The following NRM variants were observed in gnomAD, a reference collection of about 807,000 sequenced individuals.
The protein encoded by NRM is nuclear rim protein.
Under a neutral mutation model 23.4 loss-of-function variants are expected in NRM, and 19 were observed. That is an observed-to-expected ratio of 0.81 (90% CI 0.57 to 1.19). The LOEUF (loss-of-function observed/expected upper bound fraction) is 1.19, where lower values mean the gene tolerates loss of function less well. NRM is among the 50% of genes most tolerant of loss of function. The pLI, the probability that NRM is intolerant of heterozygous loss-of-function variation, is 0.00. For synonymous variants in NRM, 140 were observed against 143.5 expected (o/e 0.98, Z 0.17); for missense variants, 232 against 329.7 (o/e 0.70, Z 2.30).
upstream of NRM, chr6:30,691,010 C>A: frequency 1.3e-6 from 2 of 1,554,536 alleles, no homozygotes; most frequent in South Asian, 1.2e-5. Context: ...GGGGCGGGGT[C>A]GGGATTCCCG....
Position 30,689,291 on chromosome 6 carries a change from G to A in NRM, c.492C>T (p.Leu164=). The change falls in exon 3 of 4, where the codon CTC becomes CTT. Residue 164 remains leucine (L), a synonymous_variant. Transcript: ENST00000376421. The surrounding 1 kb of genome is among the most constrained non-coding windows in gnomAD (Gnocchi z 4.7). ...GGAGCCTCACCTGTTTGAGGCCCAT[G>A]AGCTCAGCATAGTCAAAGACGAGAA... The part of the protein sequence containing the change: ...SILLVFDYAE[L]MGLKQVYYHV... 3 of 1,554,148 alleles carry A rather than the reference G, an allele frequency of 1.9e-6. No individual in the cohort carries two copies. The highest frequency in any genetic ancestry group is 2.6e-6 in the Non-Finnish European group (3 of 1,148,222).
Position 30,689,190 on chromosome 6 carries a change from G to GAGC in NRM, c.507+83_507+85dup. 7.5e-7 allele frequency: 1 copy of GAGC among 1,327,824 alleles called. No individual in the cohort carries two copies. The highest frequency in any genetic ancestry group is 1.0e-6 in the Non-Finnish European group (1 of 972,726). The allele number at this position is 1,327,824 out of a possible 1,614,324, so 82.3% of individuals were successfully genotyped here. ...AGGGAGAAGCAGGGAGACAGTAGAA[G>GAGC]AGCATGGGAGGAGGGAAACCCTTGA... On this transcript the variant is annotated intron_variant, in intron 3 of 3. Transcript: ENST00000376421. The surrounding 1 kb of genome is among the most constrained non-coding windows in gnomAD (Gnocchi z 4.7).
Position 30,688,897 on chromosome 6 carries a change from A to T in NRM, c.553T>A (p.Ser185Thr). ...GAGAAGAGTCTGAGAGCCCGGGGAGACTTCAGGGCCAGAGGCTCGCCCAGC... is the reference window on the plus strand; with the variant it reads ...GAGAAGAGTCTGAGAGCCCGGGGAGTCTTCAGGGCCAGAGGCTCGCCCAGC... Reference protein sequence around the residue: ...LGLGEPLALKSPRALRLFSHL... With the variant: ...LGLGEPLALKTPRALRLFSHL... Residue 185 changes from serine to threonine, a missense_variant, in exon 4 of 4, where the codon TCT becomes ACT. Transcript: ENST00000376421. This position sits in a 1 kb window ranked among gnomAD's most constrained non-coding sequence, Gnocchi z 5.9. The T allele has an allele frequency of 6.2e-7, 1 of 1,613,522 alleles. No homozygotes were observed. The highest frequency in any genetic ancestry group is 2.2e-5 in the East Asian group (1 of 44,838).
At position 30,688,793 on chromosome 6, in the gene NRM, G is replaced by A. The variant is rs769211629; in HGVS notation, c.657C>T (p.Leu219=). 6 of 1,613,904 alleles carry A rather than the reference G, an allele frequency of 3.7e-6. No individual in the cohort carries two copies. In the South Asian group the frequency reaches 5.5e-5, roughly 15 times the overall value. The change falls in exon 4 of 4, where the codon CTC becomes CTT. Residue 219 remains leucine (L), a synonymous_variant. Coordinates refer to ENST00000376421, the MANE Select transcript of NRM (RefSeq NM_001384369.1). This position sits in a 1 kb window ranked among gnomAD's most constrained non-coding sequence, Gnocchi z 5.9. ...GGTAGAGGGTAAGGAGGAAAGCAAGGAGGAGACGGTCCGTGCCCAGGGTAG... is the reference window on the plus strand; with the variant it reads ...GGTAGAGGGTAAGGAGGAAAGCAAGAAGGAGACGGTCCGTGCCCAGGGTAG... The part of the protein sequence containing the change: ...VVPTLGTDRL[L]LAFLLTLYLG...
In NRM at chr6:30,690,862, A is replaced by G. The variant is rs771990739; in HGVS notation, c.113T>C (p.Ile38Thr). 1.2e-6 allele frequency: 2 copies of G among 1,612,968 alleles called. No homozygotes were observed. The highest frequency in any genetic ancestry group is 2.2e-5 in the South Asian group (2 of 91,076). Residue 38 changes from isoleucine (I) to threonine (T), a missense_variant, in exon 1 of 4, where the codon ATC (isoleucine) becomes ACC (threonine). By Grantham distance (89) the Ile-to-Thr change is moderately conservative (BLOSUM62 -1). Transcript: ENST00000376421. This position sits in a 1 kb window ranked among gnomAD's most constrained non-coding sequence, Gnocchi z 5.5. ...FTSLRPLLGG[I>T]PESGGPDARQ... ...CTCACCCGGACCACCAGACTCCGGG[A>G]TCCCTCCAAGAAGTGGCCGAAGGGA...
In NRM at chr6:30,688,587, G is replaced by T. The variant is rs1771194508; in HGVS notation, c.*74C>A. On this transcript the variant is annotated 3_prime_UTR_variant, in exon 4 of 4. Coordinates refer to ENST00000376421, the MANE Select transcript of NRM (RefSeq NM_001384369.1). This position sits in a 1 kb window ranked among gnomAD's most constrained non-coding sequence, Gnocchi z 5.9. ...GGATTTGGGCCTCTGGCATGAAGCA[G>T]CCAGGGCCTGGATGTTAAGGATTTA... 2.0e-6 allele frequency: 3 copies of T among 1,535,512 alleles called. No homozygotes were observed. The South Asian group carries it at 3.7e-5, about 19-fold the overall frequency.
Position 30,690,922 on chromosome 6 carries a change from G to T in NRM, c.53C>A (p.Ala18Asp). 6.2e-7 allele frequency: 1 copy of T among 1,605,136 alleles called. No individual in the cohort carries two copies. Among genetic ancestry groups the T allele is most frequent in the Non-Finnish European group, 8.5e-7 (1 of 1,176,014 alleles). Reference sequence around the variant, plus strand: ...CACGAACTCCACTCCGGTGCCAAAGGCCAGGATGAAAGAGGCGAGGGCAGC... The same window carrying T: ...CACGAACTCCACTCCGGTGCCAAAGTCCAGGATGAAAGAGGCGAGGGCAGC... The part of the protein sequence containing the change: ...IPAALASFIL[A>D]FGTGVEFVRF... The change falls in exon 1 of 4, where the codon GCC (alanine) becomes GAC (aspartate). Residue 18 changes from alanine to aspartate, a missense_variant. Transcript: ENST00000376421. This position sits in a 1 kb window ranked among gnomAD's most constrained non-coding sequence, Gnocchi z 5.5.
rs1771548233 is a variant in NRM at position 30,690,785 on chromosome 6, C to T, written c.133+57G>A. 8.7e-6 allele frequency: 14 copies of T among 1,612,512 alleles called. No individual in the cohort carries two copies. The Admixed American group carries it at 2.3e-4, about 27-fold the overall frequency. On this transcript the variant is annotated intron_variant, in intron 1 of 3. Transcript: ENST00000376421. The surrounding 1 kb of genome is among the most constrained non-coding windows in gnomAD (Gnocchi z 5.5). ...TTGTTTCCAAGCCCCGCCCTCAATCCCTCTCCTACGGCTCCACCTTCCTCC... is the reference window on the plus strand; with the variant it reads ...TTGTTTCCAAGCCCCGCCCTCAATCTCTCTCCTACGGCTCCACCTTCCTCC...
In NRM at chr6:30,689,878, A is replaced by C. The variant is rs776613086; in HGVS notation, c.330+169T>G. On this transcript the variant is annotated intron_variant, in intron 2 of 3. Coordinates refer to ENST00000376421, the MANE Select transcript of NRM (RefSeq NM_001384369.1). The surrounding 1 kb of genome is among the most constrained non-coding windows in gnomAD (Gnocchi z 4.7). The stretch of plus-strand genomic sequence containing the variant: ...GGGAAGGACAAGTACACCCTTCTTG[A>C]TAAAAAGTAGGATATGTGCTGTGGA... The C allele has an allele frequency of 9.6e-6, 6 of 626,252 alleles. No individual in the cohort carries two copies. Among genetic ancestry groups the C allele is most frequent in the Non-Finnish European group, 1.3e-5 (5 of 370,578 alleles). The allele number at this position is 626,252 out of a possible 1,614,324, so 38.8% of individuals were successfully genotyped here.
In NRM at chr6:30,688,823, C is replaced by T; in HGVS notation, c.627G>A (p.Val209=). Residue 209 remains valine, a synonymous_variant, in exon 4 of 4, where the codon GTG becomes GTA. Transcript: ENST00000376421. The surrounding 1 kb of genome is among the most constrained non-coding windows in gnomAD (Gnocchi z 5.9). ...GACGGTCCGTGCCCAGGGTAGGCAC[C>T]ACCCACAGCACTGTCAGCAGCTCCA... ...VCVELLTVLW[V]VPTLGTDRLL... The T allele has an allele frequency of 1.2e-6, 2 of 1,613,874 alleles. No homozygotes were observed. The highest frequency in any genetic ancestry group is 3.3e-5 in the Admixed American group (2 of 59,972).
upstream of NRM, chr6:30,691,088 C>G: frequency 8.0e-7 from 1 of 1,252,732 alleles, no homozygotes; most frequent in Admixed American, 2.7e-5. Context: ...GGCTCCTGCA[C>G]GCCACCGCCA....
chr6:30,689,971 G>A lies in NRM; in HGVS notation c.330+76C>T. ...CCATATTTTGCCCCTCCAATCCACGGCACCCCTCCCACACTTGGTCTCCCT... is the reference window on the plus strand; with the variant it reads ...CCATATTTTGCCCCTCCAATCCACGACACCCCTCCCACACTTGGTCTCCCT... On this transcript the variant is annotated intron_variant, in intron 2 of 3. Transcript: ENST00000376421. This position sits in a 1 kb window ranked among gnomAD's most constrained non-coding sequence, Gnocchi z 4.7. 3 of 1,488,310 alleles carry A rather than the reference G, an allele frequency of 2.0e-6. No homozygotes were observed. The South Asian group carries it at 3.8e-5, about 19-fold the overall frequency. The allele number at this position is 1,488,310 out of a possible 1,614,324, so 92.2% of individuals were successfully genotyped here.
rs917173021 is a variant in NRM at position 30,688,076 on chromosome 6, C to T, written c.*585G>A. 3.3e-5 allele frequency: 5 copies of T among 153,756 alleles called. No homozygotes were observed. Among genetic ancestry groups the T allele is most frequent in the African/African-American group, 1.2e-4 (5 of 41,472 alleles). 9.5% of individuals were successfully genotyped at this position (153,756 alleles called of 1,614,324 possible). On this transcript the variant is annotated 3_prime_UTR_variant, in exon 4 of 4. Transcript: ENST00000376421. This position sits in a 1 kb window ranked among gnomAD's most constrained non-coding sequence, Gnocchi z 5.9. Reference sequence around the variant, plus strand: ...TAGAAAAAGGCTGACTTTTATTTTCCTGCAGAGCATCTTCCTCGGGAGAGC... The same window carrying T: ...TAGAAAAAGGCTGACTTTTATTTTCTTGCAGAGCATCTTCCTCGGGAGAGC...
At position 30,690,586 on chromosome 6, in the gene NRM, A is replaced by C. The variant is rs538658450; in HGVS notation, c.133+256T>G. 1 of 1,543,566 alleles carries C rather than the reference A, an allele frequency of 6.5e-7. No homozygotes were observed. Among genetic ancestry groups the C allele is most frequent in the Admixed American group, 2.0e-5 (1 of 50,748 alleles). Reference sequence around the variant, plus strand: ...CTCTCAACAGTCCTCTCTACAAAACACTTTACTTAGAATACTCCGGTCACC... The same window carrying C: ...CTCTCAACAGTCCTCTCTACAAAACCCTTTACTTAGAATACTCCGGTCACC... On this transcript the variant is annotated intron_variant, in intron 1 of 3. Transcript: ENST00000376421. The surrounding 1 kb of genome is among the most constrained non-coding windows in gnomAD (Gnocchi z 5.5).
Position 30,689,456 on chromosome 6 carries a change from T to A in NRM, c.331-4A>T. 2 of 1,568,048 alleles carry A rather than the reference T, an allele frequency of 1.3e-6. No homozygotes were observed. Among genetic ancestry groups the A allele is most frequent in the Non-Finnish European group, 1.7e-6 (2 of 1,157,374 alleles). On this transcript the variant is annotated splice_region_variant and splice_polypyrimidine_tract_variant and intron_variant, in intron 2 of 3. Coordinates refer to ENST00000376421, the MANE Select transcript of NRM (RefSeq NM_001384369.1). This position sits in a 1 kb window ranked among gnomAD's most constrained non-coding sequence, Gnocchi z 4.7. ...GCTCCCAGTACCGCATCACCAGCTG[T>A]GGAAGGATAAGGGGCTGGGTATCCC...
Position 30,690,698 on chromosome 6 carries a change from C to G in NRM, c.133+144G>C. On this transcript the variant is annotated intron_variant, in intron 1 of 3. Coordinates refer to ENST00000376421, the MANE Select transcript of NRM (RefSeq NM_001384369.1). The surrounding 1 kb of genome is among the most constrained non-coding windows in gnomAD (Gnocchi z 5.5). ...CCTAATTTAGAACTCAGGTCTCCCT[C>G]CCCTGTAGCTTCTCGGCCGCTTTCA... is the stretch of plus-strand genomic sequence containing the variant. 1 of 1,610,710 alleles carries G rather than the reference C, an allele frequency of 6.2e-7. No individual in the cohort carries two copies.
chr6:30,688,371 C>A lies in NRM; in HGVS notation c.*290G>T. On this transcript the variant is annotated 3_prime_UTR_variant, in exon 4 of 4. Transcript: ENST00000376421. The surrounding 1 kb of genome is among the most constrained non-coding windows in gnomAD (Gnocchi z 5.9). ...TGGTCAGGGCAGATCCTTTCCTTCT[C>A]AGGAGGCTGTTGAGGGGGAGAGTGT... is the stretch of plus-strand genomic sequence containing the variant. The A allele has an allele frequency of 1.9e-6, 1 of 516,292 alleles. No individual in the cohort carries two copies. The allele number at this position is 516,292 out of a possible 1,614,324, so 32.0% of individuals were successfully genotyped here.
In NRM at chr6:30,688,258, C is replaced by T; in HGVS notation, c.*403G>A. ...GGGACAGCTATGACCGTTGAACTTG[C>T]AGACCCTGGTCCACCTTCTTGGAGT... On this transcript the variant is annotated 3_prime_UTR_variant, in exon 4 of 4. Coordinates refer to ENST00000376421, the MANE Select transcript of NRM (RefSeq NM_001384369.1). The surrounding 1 kb of genome is among the most constrained non-coding windows in gnomAD (Gnocchi z 5.9). 4.6e-6 allele frequency: 1 copy of T among 216,660 alleles called. No homozygotes were observed. The highest frequency in any genetic ancestry group is 7.6e-5 in the South Asian group (1 of 13,086). 13.4% of individuals were successfully genotyped at this position (216,660 alleles called of 1,614,324 possible).
At position 30,688,637 on chromosome 6, in the gene NRM, G is replaced by A. The variant is rs757782809; in HGVS notation, c.*24C>T. The A allele has an allele frequency of 8.7e-6, 14 of 1,605,818 alleles. No individual in the cohort carries two copies. Among genetic ancestry groups the A allele is most frequent in the Non-Finnish European group, 1.2e-5 (14 of 1,175,092 alleles). ...AGAATTCAGTGGGAGAGGAAGAACA[G>A]GGCTTGTAACCAGAGTGAGCTCCTC... On this transcript the variant is annotated 3_prime_UTR_variant, in exon 4 of 4. Transcript: ENST00000376421. The surrounding 1 kb of genome is among the most constrained non-coding windows in gnomAD (Gnocchi z 5.9).
Sources: allele counts gnomAD v4.1 joint callset, GRCh38; gene constraint gnomAD v4.1.1; non-coding constraint Gnocchi (gnomAD v3.1); transcripts MANE v1.5; gene names NCBI Gene and HGNC (gene_info 2026-07-23, HGNC 2026-07-21).